PCBP3: variants seen among roughly 807,000 people sequenced by gnomAD.
PCBP3 encodes poly(rC) binding protein 3, also known as poly(rC)-binding protein 3.
PCBP3 carries 25 observed loss-of-function variants against 52.7 expected under a neutral mutation model. That is an observed-to-expected ratio of 0.47 (90% CI 0.35 to 0.66). The LOEUF is 0.66. PCBP3 is among the 30% of genes least tolerant of loss of function. The pLI is 0.01. For synonymous variants in PCBP3, 162 were observed against 183.0 expected (o/e 0.89, Z 0.93); for missense variants, 391 against 490.3 (o/e 0.80, Z 1.91).
At chr21:45,850,540 C>T (rs937284719) in intron 5 of PCBP3, among the ~76,000 whole-genome samples, 4 of 152,086 alleles carry the variant, frequency 2.6e-5, no homozygotes, top group Admixed American at 6.5e-5. Flanking sequence ...ACATTAGTGC[C>T]GTGGCTTGAG....
intron 4 of PCBP3, among the ~76,000 whole-genome samples, chr21:45,793,065 G>C (rs2146431783): frequency 6.6e-6 from 1 of 152,320 alleles, no homozygotes; most frequent in South Asian, 2.1e-4. Context: ...CTGCCAACAA[G>C]CTGGGAACCA....
intron 5 of PCBP3, among the ~76,000 whole-genome samples, chr21:45,866,816 C>T (rs2094747756): frequency 6.6e-6 from 1 of 152,084 alleles, no homozygotes; most frequent in South Asian, 2.1e-4. Context: ...GGTCCTCCTG[C>T]CCACCCCACC....
chr21:45,940,161 G>T lies in PCBP3; in HGVS notation c.1041G>T (p.Pro347=), dbSNP rs372507574. The T allele has an allele frequency of 1.1e-5, 17 of 1,613,968 alleles. No individual in the cohort carries two copies. In the Admixed American group the frequency reaches 2.3e-4, roughly 22 times the overall value. ...GTCAGATCACCATCACGGGGACCCCGGCCAACATCAGCCTTGCCCAGTATC... is the reference window on the plus strand; with the variant it reads ...GTCAGATCACCATCACGGGGACCCCTGCCAACATCAGCCTTGCCCAGTATC... ...SERQITITGT[P]ANISLAQYLI... Residue 347 remains proline (P), a synonymous_variant, in exon 17 of 18, where the codon CCG becomes CCT. Coordinates refer to ENST00000681687, the MANE Select transcript of PCBP3 (RefSeq NM_001384156.1).
At chr21:45,662,026 G>A (rs1216685760) in intron 1 of PCBP3, among the ~76,000 whole-genome samples, 2 of 152,008 alleles carry the variant, frequency 1.3e-5, no homozygotes, top group South Asian at 4.1e-4. Context: ...TGTAGATCCT[G>A]GATATTAGTC....
chr21:45,925,699 G>A (rs1291737530), intron 13 of PCBP3, among the ~76,000 whole-genome samples: 2 of 151,626 alleles, frequency 1.3e-5, no homozygotes, highest in African/African-American at 2.4e-5. Flanking sequence ...TCAGTAGGGG[G>A]AAAAAAACAA....
intron 2 of PCBP3, among the ~76,000 whole-genome samples, chr21:45,714,065 CCA>C (rs1224301073): frequency 4.6e-5 from 7 of 152,104 alleles, no homozygotes; most frequent in Non-Finnish European, 8.8e-5. Flanking sequence ...CTAGTAGTTC[CCA>C]CACACTCTTC....
At chr21:45,901,336 C>G in intron 9 of PCBP3, 1 of 505,578 alleles carries the variant, frequency 2.0e-6, no homozygotes, top group East Asian at 3.5e-5. Context: ...CAGCTACTCC[C>G]GGCTGTATGC....
intron 2 of PCBP3, among the ~76,000 whole-genome samples, chr21:45,699,827 C>T (rs1036073306): frequency 5.3e-5 from 8 of 152,202 alleles, no homozygotes; most frequent in Non-Finnish European, 1.0e-4. Flanking sequence ...TATCTCCCAC[C>T]AGGTCCCTCC....
At chr21:45,840,067 A>C (rs2093667234) in intron 4 of PCBP3, among the ~76,000 whole-genome samples, 1 of 152,166 alleles carries the variant, frequency 6.6e-6, no homozygotes, top group Admixed American at 6.5e-5. Flanking sequence ...TAAAATAAAG[A>C]TATAAAGAAA....
intron 5 of PCBP3, among the ~76,000 whole-genome samples, chr21:45,857,163 T>C (rs1206237682): frequency 2.0e-5 from 3 of 152,226 alleles, no homozygotes; most frequent in Admixed American, 6.5e-5. Context: ...AGAGATTCTT[T>C]ACAGATGCAA....
At position 45,914,043 on chromosome 21, in the gene PCBP3, C is replaced by T. The variant is rs202005351; in HGVS notation, c.675+18C>T. 799 of 1,613,356 alleles carry T rather than the reference C, an allele frequency of 5.0e-4. No individual in the cohort carries two copies. Among genetic ancestry groups the T allele is most frequent in the Non-Finnish European group, 6.2e-4 (735 of 1,179,912 alleles). ...GTGGTCAGGTAAGAGCCGATCCGCTCGCGGCCTCCACTGCCAACCTCAGCC... is the reference window on the plus strand; with the variant it reads ...GTGGTCAGGTAAGAGCCGATCCGCTTGCGGCCTCCACTGCCAACCTCAGCC... On this transcript the variant is annotated intron_variant, in intron 12 of 17. Transcript: ENST00000681687.
At chr21:45,816,549 G>GAC (rs1207239053) in intron 4 of PCBP3, among the ~76,000 whole-genome samples, 13 of 127,626 alleles carry the variant, frequency 1.0e-4, no homozygotes, top group South Asian at 3.0e-4. Context: ...TAAAAACTGA[G>GAC]ACACACACAC....
intron 14 of PCBP3, among the ~76,000 whole-genome samples, chr21:45,930,349 G>T (rs993670674): frequency 3.9e-5 from 6 of 152,156 alleles, no homozygotes; most frequent in Non-Finnish European, 1.5e-5. Flanking sequence ...CCACTGGGCC[G>T]CCCTGGAGGC....
At chr21:45,664,767 TC>T (rs1023806188) in intron 1 of PCBP3, among the ~76,000 whole-genome samples, 6 of 35,960 alleles carry the variant, frequency 1.7e-4, no homozygotes, top group Non-Finnish European at 2.6e-4. Flanking sequence ...CCCTCCCCCC[TC>T]CCCCCCACCC....
rs572646012 is a variant in PCBP3 at position 45,795,590 on chromosome 21, A to G, written c.-126+40138A>G. Among the ~76,000 whole-genome samples the G allele has an allele frequency of 1.9e-4, 29 of 152,328 alleles. 1 individual carries two copies. Among genetic ancestry groups the G allele is most frequent in the Admixed American group, 1.8e-3 (28 of 15,302 alleles). ...GAGAGAATGTTGCACGTCAAACATG[A>G]GGGATGCCACAAAAGCAATTCTCAG... On this transcript the variant is annotated intron_variant, in intron 4 of 17. Coordinates refer to ENST00000681687, the MANE Select transcript of PCBP3 (RefSeq NM_001384156.1).
At chr21:45,759,663 T>C (rs1165119302) in intron 4 of PCBP3, 6 of 152,240 alleles carry the variant, frequency 3.9e-5, no homozygotes, top group Admixed American at 2.6e-4. Flanking sequence ...GGACAAGTTA[T>C]AACATATAAT....
intron 2 of PCBP3, among the ~76,000 whole-genome samples, chr21:45,669,797 GTGTGTGTGTATATATATATATA>G (rs1320414164): frequency 1.2e-4 from 10 of 85,876 alleles, no homozygotes; most frequent in Admixed American, 9.1e-4. Context: ...TTGTGTGTGT[GTGTGTGTGTATATATATATATA>G]TATATATATA....
chr21:45,910,276 A>G (rs1191438574), intron 10 of PCBP3, among the ~76,000 whole-genome samples: 4 of 119,282 alleles, frequency 3.4e-5, no homozygotes, highest in Non-Finnish European at 6.8e-5. Context: ...CTGCCCACCC[A>G]CTACACTCCT....
intron 1 of PCBP3, among the ~76,000 whole-genome samples, chr21:45,665,960 G>A (rs1244224927): frequency 6.6e-6 from 1 of 152,126 alleles, no homozygotes; most frequent in East Asian, 1.9e-4. Flanking sequence ...TGCAAGGATG[G>A]TTCAACATAT....
Sources: allele counts gnomAD v4.1 joint callset (sites outside exome capture counted in the v4.1 genomes callset), GRCh38; gene constraint gnomAD v4.1.1; transcripts MANE v1.5; gene names NCBI Gene and HGNC (gene_info 2026-07-23, HGNC 2026-07-21).